The following PDGFRL variants were observed in gnomAD, a reference collection of about 807,000 sequenced individuals.
The protein encoded by PDGFRL is platelet derived growth factor receptor like.
PDGFRL carries 46 observed loss-of-function variants against 37.2 expected under a neutral mutation model. That is an observed-to-expected ratio of 1.24 (90% CI 0.98 to 1.58). The LOEUF is 1.58. PDGFRL is among the 40% of genes most tolerant of loss of function. The pLI is 0.00. For synonymous variants in PDGFRL, 251 were observed against 184.3 expected, an observed-to-expected ratio of 1.36 and a Z score of -2.93; for missense variants, 692 against 467.6, an observed-to-expected ratio of 1.48 and a Z score of -4.43.
At chr8:17,613,916 A>C (rs80050314) in intron 2 of PDGFRL, among the ~76,000 whole-genome samples, 6,760 of 152,318 alleles carry the variant, frequency 0.044, 204 homozygotes, top group South Asian at 0.11. Flanking sequence ...GGAATCTGGC[A>C]TAAGTGATTG....
rs35294054 is a variant in PDGFRL at position 17,621,067 on chromosome 8, C to T, written c.370C>T (p.Arg124Cys). 310 of 1,606,586 alleles carry T rather than the reference C, an allele frequency of 1.9e-4. No homozygotes were observed. Among genetic ancestry groups the T allele is most frequent in the African/African-American group, 5.8e-4 (43 of 74,612 alleles). The change falls in exon 3 of 6, where the codon CGC becomes TGC. Residue 124 changes from arginine (R) to cysteine (C), a missense_variant. Arg to Cys is a radical substitution (Grantham distance 180, BLOSUM62 -3). Transcript: ENST00000251630. ...DSRLSVKQNE[R>C]YGQLTLVNST... ...TATTCCTAGCGTCAAGCAGAATGAG[C>T]GCTACGGCCAGTTGACTCTGGTCAA...
chr8:17,601,370 A>G (rs1274138537), intron 2 of PDGFRL, among the ~76,000 whole-genome samples: 2 of 152,140 alleles, frequency 1.3e-5, no homozygotes, highest in African/African-American at 4.8e-5. Context: ...CCCTGAGATC[A>G]TGTGACCTGA....
intron 1 of PDGFRL, among the ~76,000 whole-genome samples, chr8:17,581,499 TG>T (rs750889304): frequency 4.1e-4 from 63 of 152,258 alleles, no homozygotes; most frequent in East Asian, 3.7e-3. Context: ...CATCTTATGT[TG>T]AATTTTGATC....
In PDGFRL at chr8:17,634,159, C is replaced by T; in HGVS notation, c.885C>T (p.Val295=). The change falls in exon 5 of 6, where the codon GTC becomes GTT. Residue 295 remains valine (V), a synonymous_variant. Transcript: ENST00000251630. The stretch of plus-strand genomic sequence containing the variant: ...ACGACATCAGTGTGCTCTGCACTGT[C>T]CTGGGGGAGCCCGATGTGGAGGTGG... The part of the protein sequence containing the change: ...SGDDISVLCT[V]LGEPDVEVEF... 2 of 1,613,176 alleles carry T rather than the reference C, an allele frequency of 1.2e-6. No individual in the cohort carries two copies. Among genetic ancestry groups the T allele is most frequent in the Non-Finnish European group, 8.5e-7 (1 of 1,179,126 alleles).
chr8:17,583,667 G>A (rs979325608), intron 1 of PDGFRL, among the ~76,000 whole-genome samples: 3 of 152,136 alleles, frequency 2.0e-5, no homozygotes, highest in Non-Finnish European at 2.9e-5. Context: ...AGGTGTTTGA[G>A]TCGTGGGGGT....
intron 2 of PDGFRL, among the ~76,000 whole-genome samples, chr8:17,593,487 A>G (rs148768373): frequency 0.013 from 1,998 of 151,716 alleles, 21 homozygotes; most frequent in Non-Finnish European, 0.022. Flanking sequence ...AGTCCCAGCT[A>G]CTTGGGAGGC....
chr8:17,589,724 C>A lies in PDGFRL; in HGVS notation c.312C>A (p.Ser104Arg). 1.2e-6 allele frequency: 2 copies of A among 1,613,024 alleles called. No individual in the cohort carries two copies. The highest frequency in any genetic ancestry group is 1.7e-6 in the Non-Finnish European group (2 of 1,179,214). The change falls in exon 2 of 6, where the codon AGC becomes AGA. Residue 104 changes from serine (S) to arginine (R), a missense_variant. Coordinates refer to ENST00000251630, the MANE Select transcript of PDGFRL (RefSeq NM_001372073.1). The stretch of plus-strand genomic sequence containing the variant: ...GTAAAGGGAGTAGAATTGGGTGGAG[C>A]TACCCTGCGTATCTGGACACCTTTA... The part of the protein sequence containing the change: ...LRCKGSRIGW[S>R]YPAYLDTFKD...
chr8:17,624,714 G>A (rs1484600924), intron 3 of PDGFRL, among the ~76,000 whole-genome samples: 1 of 152,182 alleles, frequency 6.6e-6, no homozygotes, highest in Admixed American at 6.5e-5. Context: ...TTCAAGACCA[G>A]CCTAACCAAC....
At chr8:17,626,740 A>G (rs55716343) in intron 3 of PDGFRL, among the ~76,000 whole-genome samples, 16,976 of 152,230 alleles carry the variant, frequency 0.11, 1,122 homozygotes, top group Non-Finnish European at 0.15. Flanking sequence ...CCATGCCAAA[A>G]AAGAAAAGCC....
At chr8:17,606,149 G>A (rs1331547381) in intron 2 of PDGFRL, among the ~76,000 whole-genome samples, 2 of 151,708 alleles carry the variant, frequency 1.3e-5, no homozygotes, top group Admixed American at 1.3e-4. Flanking sequence ...TAAATGTTGT[G>A]GAGAGTACTC....
Position 17,628,645 on chromosome 8 carries a change from G to T in PDGFRL, c.664G>T (p.Asp222Tyr). 1.2e-6 allele frequency: 2 copies of T among 1,614,196 alleles called. No individual in the cohort carries two copies. The highest frequency in any genetic ancestry group is 1.1e-5 in the South Asian group (1 of 91,086). Residue 222 changes from aspartate (D) to tyrosine (Y), a missense_variant, in exon 4 of 6, where the codon GAC becomes TAC. Asp to Tyr is a radical substitution (Grantham distance 160). Transcript: ENST00000251630. ...PAKEIPANGT[D>Y]IVYDMKRGFV... ...CAAGGAGATCCCAGCCAATGGAACG[G>T]ACATTGTTTATGACATGAAGCGGGG... is the stretch of plus-strand genomic sequence containing the variant.
intron 1 of PDGFRL, among the ~76,000 whole-genome samples, chr8:17,587,747 C>G (rs953696137): frequency 4.0e-5 from 6 of 151,148 alleles, no homozygotes; most frequent in African/African-American, 1.5e-4. Context: ...TGTGCCTCAG[C>G]CTCCCGAGTG....
intron 2 of PDGFRL, among the ~76,000 whole-genome samples, chr8:17,617,873 C>T (rs928521101): frequency 9.9e-5 from 15 of 152,096 alleles, no homozygotes; most frequent in African/African-American, 2.9e-4. Context: ...AGAGAAGATG[C>T]GCAGTGAATT....
rs1457654270 is a variant in PDGFRL at position 17,621,098 on chromosome 8, C to G, written c.401C>G (p.Thr134Ser). ...RYGQLTLVNS[T>S]SADTGEFSCW... ...GGCCAGTTGACTCTGGTCAACTCCA[C>G]CTCGGCAGACACAGGTGAATTCAGC... The change falls in exon 3 of 6, where the codon ACC becomes AGC. Residue 134 changes from threonine to serine, a missense_variant. Thr to Ser is a moderately conservative substitution (Grantham distance 58, BLOSUM62 1). Coordinates refer to ENST00000251630, the MANE Select transcript of PDGFRL (RefSeq NM_001372073.1). 3 of 1,611,984 alleles carry G rather than the reference C, an allele frequency of 1.9e-6. No individual in the cohort carries two copies. The African/African-American group carries it at 4.0e-5, about 22-fold the overall frequency.
rs1418876066 is a variant in PDGFRL at position 17,577,383 on chromosome 8, C to G, written c.55+76C>G. On this transcript the variant is annotated intron_variant, in intron 1 of 5. Transcript: ENST00000251630. Reference sequence around the variant, plus strand: ...GGGACCCGAAGCCCCCGCCGCCCTCCTGCCAGCTCTTGGTCTAACGTTCGG... The same window carrying G: ...GGGACCCGAAGCCCCCGCCGCCCTCGTGCCAGCTCTTGGTCTAACGTTCGG... 2.4e-6 allele frequency: 3 copies of G among 1,260,180 alleles called. No individual in the cohort carries two copies. The East Asian group carries it at 7.2e-5, about 30-fold the overall frequency. The allele number at this position is 1,260,180 out of a possible 1,614,324, so 78.1% of individuals were successfully genotyped here.
chr8:17,593,159 G>C (rs1207787284), intron 2 of PDGFRL, among the ~76,000 whole-genome samples: 7 of 152,094 alleles, frequency 4.6e-5, no homozygotes, highest in African/African-American at 1.4e-4. Flanking sequence ...AAGTGAATCC[G>C]TTCTTCCTGT....
intron 2 of PDGFRL, among the ~76,000 whole-genome samples, chr8:17,612,911 AT>A (rs1404062315): frequency 6.6e-6 from 1 of 152,072 alleles, no homozygotes; most frequent in Non-Finnish European, 1.5e-5. Context: ...AGTTATCAAA[AT>A]ATTCTATCTC....
intron 2 of PDGFRL, among the ~76,000 whole-genome samples, chr8:17,607,115 C>G (rs1220483338): frequency 7.9e-5 from 12 of 152,036 alleles, no homozygotes; most frequent in Non-Finnish European, 1.8e-4. Context: ...AGGCTGGTCT[C>G]AAACTCCTGA....
chr8:17,608,955 A>G (rs11786690), intron 2 of PDGFRL, among the ~76,000 whole-genome samples: 55,110 of 152,120 alleles, frequency 0.36, 10,231 homozygotes, highest in South Asian at 0.52. Context: ...AAGGCAGCTC[A>G]TGCCTGTAAT....
Sources: allele counts gnomAD v4.1 joint callset (sites outside exome capture counted in the v4.1 genomes callset), GRCh38; gene constraint gnomAD v4.1.1; transcripts MANE v1.5; gene names NCBI Gene and HGNC (gene_info 2026-07-23, HGNC 2026-07-21).